The following TBC1D23 variants were observed in gnomAD, a reference collection of about 807,000 sequenced individuals.
The protein encoded by TBC1D23 is HCV non-structural protein 4A-transactivated protein 1.
TBC1D23 carries 55 observed loss-of-function variants against 91.4 expected under a neutral mutation model. That is an observed-to-expected ratio of 0.60 (90% CI 0.48 to 0.75). TBC1D23 has a LOEUF of 0.75. Among genes scored for constraint, TBC1D23 ranks in the 30% least tolerant of loss-of-function variants. TBC1D23 has a pLI of 0.00. For missense variants in TBC1D23, 725 were observed against 836.1 expected, an observed-to-expected ratio of 0.87 and a Z score of 1.64; for synonymous variants, 289 against 281.0, an observed-to-expected ratio of 1.03 and a Z score of -0.28.
chr3:100,317,334 C>A (rs1195084408), intron 16 of TBC1D23, among the ~76,000 whole-genome samples: 1 of 152,114 alleles, frequency 6.6e-6, no homozygotes, highest in Non-Finnish European at 1.5e-5. Flanking sequence ...TCCATTTCAG[C>A]TCATGTATCT....
chr3:100,319,317 C>A, intron 17 of TBC1D23, 113 bp downstream of exon 17: 1 of 863,196 alleles, frequency 1.2e-6, no homozygotes, highest in Non-Finnish European at 1.8e-6. Context: ...GATATAATTC[C>A]CTTCTGTCTA....
rs184854350 is a variant in TBC1D23 at position 100,314,172 on chromosome 3, C to T, written c.1599-1927C>T. Among the ~76,000 whole-genome samples, 691 of 140,336 alleles carry T rather than the reference C, an allele frequency of 4.9e-3. 2 individuals carry two copies. The highest frequency in any genetic ancestry group is 6.3e-3 in the Non-Finnish European group (420 of 66,564). 92.1% of individuals were successfully genotyped at this position (140,336 alleles called of 152,430 possible). ...GGAGTGCAGTGGCGCAATCTCGGCT[C>T]ACTGCAACCTGTGCCTCCTGGGTTC... On this transcript the variant is annotated intron_variant, in intron 15 of 18. Transcript: ENST00000394144.
At chr3:100,308,346 G>A (rs1705553026) in intron 13 of TBC1D23, among the ~76,000 whole-genome samples, 1 of 151,896 alleles carries the variant, frequency 6.6e-6, no homozygotes. Context: ...GTGGTGGCAG[G>A]CGCCTGTAGT....
intron 1 of TBC1D23, among the ~76,000 whole-genome samples, chr3:100,263,539 A>G (rs1158350110): frequency 6.6e-6 from 1 of 152,252 alleles, no homozygotes; most frequent in Non-Finnish European, 1.5e-5. Flanking sequence ...GAGAAGTTGC[A>G]GAAAAATACG....
chr3:100,301,567 G>A lies in TBC1D23; in HGVS notation c.1093-500G>A, dbSNP rs565390808. ...TTTAAACATCTTTGTAGTTATTGTC[G>A]TACTTGTTTCCTTGAGGGTAAGAAA... On this transcript the variant is annotated intron_variant, in intron 10 of 18. Coordinates refer to ENST00000394144, the MANE Select transcript of TBC1D23 (RefSeq NM_001199198.3). Among the ~76,000 whole-genome samples, 13 of 151,972 alleles carry A rather than the reference G, an allele frequency of 8.6e-5. No homozygotes were observed. In the South Asian group the frequency reaches 1.7e-3, roughly 19 times the overall value.
chr3:100,301,480 A>G (rs1053325923), intron 10 of TBC1D23, among the ~76,000 whole-genome samples: 3 of 152,100 alleles, frequency 2.0e-5, no homozygotes, highest in African/African-American at 7.2e-5. Context: ...TTGCTTTTCT[A>G]TATGATCTGT....
chr3:100,297,469 A>AT (rs199819556), intron 8 of TBC1D23, among the ~76,000 whole-genome samples: 30 of 151,982 alleles, frequency 2.0e-4, no homozygotes, highest in Non-Finnish European at 2.9e-4. Context: ...AAGAAGTCTT[A>AT]TTTTTTTTCT....
At chr3:100,321,682 G>T (rs1478088753) in intron 18 of TBC1D23, among the ~76,000 whole-genome samples, 3 of 152,078 alleles carry the variant, frequency 2.0e-5, no homozygotes, top group Non-Finnish European at 4.4e-5. Flanking sequence ...TAAGCTTAAG[G>T]TTATATCGCA....
chr3:100,277,667 A>G (rs11709240), intron 1 of TBC1D23, among the ~76,000 whole-genome samples: 36,152 of 152,216 alleles, frequency 0.24, 4,715 homozygotes, highest in East Asian at 0.49. Context: ...AAATAATTTC[A>G]TCCCAGTAAG....
chr3:100,299,213 T>C, intron 9 of TBC1D23, 26 bp from the exon 10 acceptor site: 7 of 1,507,912 alleles, frequency 4.6e-6, no homozygotes, highest in Non-Finnish European at 5.5e-6. Context: ...GAAATTCCTG[T>C]ATGTCAAATG....
intron 9 of TBC1D23, among the ~76,000 whole-genome samples, chr3:100,298,688 C>T (rs1705354037): frequency 6.6e-6 from 1 of 152,176 alleles, no homozygotes; most frequent in South Asian, 2.1e-4. Flanking sequence ...TTTCAAAATA[C>T]AAGCATCTCA....
At chr3:100,299,540 G>A (rs1198493370) in intron 10 of TBC1D23, among the ~76,000 whole-genome samples, 3 of 151,914 alleles carry the variant, frequency 2.0e-5, no homozygotes, top group Non-Finnish European at 4.4e-5. Context: ...TGTTTGTTTC[G>A]CTTTTGTTGC....
At chr3:100,262,691 G>C (rs1304402968) in intron 1 of TBC1D23, among the ~76,000 whole-genome samples, 1 of 115,658 alleles carries the variant, frequency 8.6e-6, no homozygotes, top group East Asian at 2.8e-4. Flanking sequence ...AGCCACTACT[G>C]TCCAGCCCGG....
intron 5 of TBC1D23, among the ~76,000 whole-genome samples, chr3:100,293,969 TTAAG>T (rs747569111): frequency 2.0e-4 from 30 of 152,312 alleles, no homozygotes; most frequent in South Asian, 6.2e-4. Context: ...TTGTGAGAAT[TTAAG>T]TAAGAGATAT....
At chr3:100,323,184 G>A (rs1034210237) in intron 18 of TBC1D23, among the ~76,000 whole-genome samples, 2 of 152,128 alleles carry the variant, frequency 1.3e-5, no homozygotes, top group Middle Eastern at 3.2e-3. Flanking sequence ...TTAAGTGTTG[G>A]AATTGTCATT....
chr3:100,314,800 A>C (rs887880778), intron 15 of TBC1D23, among the ~76,000 whole-genome samples: 16 of 152,242 alleles, frequency 1.1e-4, no homozygotes, highest in Middle Eastern at 3.4e-3. Context: ...ACTACTACTA[A>C]TAACTAAAGG....
chr3:100,270,506 T>G (rs2067591451), intron 1 of TBC1D23, among the ~76,000 whole-genome samples: 1 of 152,060 alleles, frequency 6.6e-6, no homozygotes, highest in African/African-American at 2.4e-5. Context: ...AGGAGAGAGA[T>G]GACTTTTTGA....
intron 14 of TBC1D23, among the ~76,000 whole-genome samples, chr3:100,311,318 C>T (rs1296013881): frequency 6.6e-6 from 1 of 152,022 alleles, no homozygotes; most frequent in Non-Finnish European, 1.5e-5. Context: ...GTTGTCTGTC[C>T]CTTTATTAAG....
intron 13 of TBC1D23, among the ~76,000 whole-genome samples, chr3:100,307,563 A>G (rs888767658): frequency 4.6e-5 from 7 of 152,228 alleles, no homozygotes; most frequent in African/African-American, 1.7e-4. Context: ...GTAACTCACT[A>G]CCTGTGTTAG....
Sources: gnomAD v4.1 joint callset for allele counts (sites outside exome capture counted in the v4.1 genomes callset) on GRCh38, gnomAD v4.1.1 for gene constraint, MANE v1.5 for transcripts, NCBI Gene and HGNC (gene_info 2026-07-23, HGNC 2026-07-21) for gene names.